GALNT10: variants seen among roughly 807,000 people sequenced by gnomAD.
GALNT10 encodes the protein GalNAc transferase 10.
GALNT10 carries 41 observed loss-of-function variants against 75.0 expected under a neutral mutation model. The ratio of observed to expected loss-of-function variants is 0.55; its 90% CI spans 0.43 to 0.71. The LOEUF is 0.71. GALNT10 is among the 30% of genes least tolerant of loss of function. GALNT10 has a pLI of 0.00. For synonymous variants in GALNT10, 302 were observed against 313.0 expected (o/e 0.96, Z 0.37); for missense variants, 727 against 818.5 (o/e 0.89, Z 1.36).
chr5:154,193,820 C>T (rs1423609748), intron 1 of GALNT10, among the ~76,000 whole-genome samples: 6 of 152,236 alleles, frequency 3.9e-5, no homozygotes, highest in Non-Finnish European at 8.8e-5. Context: ...TGAAAGTCTA[C>T]ATAACTCATG....
chr5:154,285,685 T>G (rs899860294), intron 1 of GALNT10, among the ~76,000 whole-genome samples: 52 of 152,188 alleles, frequency 3.4e-4, no homozygotes, highest in Non-Finnish European at 1.6e-4. Context: ...TGTGATAGCC[T>G]CCTTCCCAGC....
Position 154,380,548 on chromosome 5 carries a change from G to A in GALNT10, c.855G>A (p.Arg285=). The A allele has an allele frequency of 6.2e-7, 1 of 1,613,934 alleles. No individual in the cohort carries two copies. The highest frequency in any genetic ancestry group is 8.5e-7 in the Non-Finnish European group (1 of 1,179,834). The change falls in exon 6 of 12, where the codon CGG becomes CGA. Residue 285 remains arginine, a synonymous_variant. Transcript: ENST00000297107. ...RYETQAGDAM[R]GAFDWEMYYK... ...AGACACAGGCAGGGGATGCCATGCG[G>A]GGAGCCTTTGACTGGGAGATGTACT... is the stretch of plus-strand genomic sequence containing the variant.
chr5:154,221,281 C>T (rs1325483629), intron 1 of GALNT10, among the ~76,000 whole-genome samples: 3 of 152,214 alleles, frequency 2.0e-5, no homozygotes, highest in Non-Finnish European at 4.4e-5. Context: ...CATTTTTTAG[C>T]TCTTCTCTTA....
chr5:154,204,001 T>G (rs564473130), intron 1 of GALNT10, among the ~76,000 whole-genome samples: 1 of 152,312 alleles, frequency 6.6e-6, no homozygotes, highest in African/African-American at 2.4e-5. Context: ...AAAGCTTTAT[T>G]TGCAAAAGCA....
chr5:154,332,989 C>T (rs1754890754), intron 4 of GALNT10, among the ~76,000 whole-genome samples: 1 of 152,168 alleles, frequency 6.6e-6, no homozygotes, highest in Non-Finnish European at 1.5e-5. Context: ...AAAAGAATTT[C>T]AAGATCATCT....
intron 1 of GALNT10, among the ~76,000 whole-genome samples, chr5:154,213,536 G>A (rs532207089): frequency 8.5e-5 from 13 of 152,290 alleles, no homozygotes; most frequent in Non-Finnish European, 1.5e-4. Context: ...AGGGACACTG[G>A]CTTGGATATA....
At chr5:154,358,172 T>C (rs1755325155) in intron 4 of GALNT10, among the ~76,000 whole-genome samples, 1 of 152,178 alleles carries the variant, frequency 6.6e-6, no homozygotes, top group African/African-American at 2.4e-5. Context: ...GAGGGAATTG[T>C]GTGTAGCACA....
chr5:154,410,361 G>C (rs1326339387), intron 9 of GALNT10, among the ~76,000 whole-genome samples: 2 of 132,420 alleles, frequency 1.5e-5, no homozygotes, highest in African/African-American at 2.8e-5. Context: ...GGAAACATAG[G>C]AAGACCCTGT....
intron 3 of GALNT10, among the ~76,000 whole-genome samples, chr5:154,303,105 C>T (rs1383423740): frequency 1.3e-5 from 2 of 151,866 alleles, no homozygotes; most frequent in Admixed American, 6.6e-5. Context: ...CTAAACAACA[C>T]CCCCCACCCA....
intron 3 of GALNT10, among the ~76,000 whole-genome samples, chr5:154,323,314 G>A (rs1561660885): frequency 1.3e-5 from 2 of 152,074 alleles, no homozygotes; most frequent in African/African-American, 4.8e-5. Context: ...TGAAACTGCA[G>A]TGAGCTACGA....
chr5:154,401,698 C>G (rs1756166959), intron 7 of GALNT10, among the ~76,000 whole-genome samples: 2 of 152,062 alleles, frequency 1.3e-5, no homozygotes, highest in Admixed American at 6.5e-5. Flanking sequence ...CATCCCCTCT[C>G]GGGAGGGCCA....
chr5:154,365,791 T>C (rs540605689), intron 4 of GALNT10, among the ~76,000 whole-genome samples: 4 of 152,344 alleles, frequency 2.6e-5, no homozygotes, highest in African/African-American at 9.6e-5. Context: ...TCCTTTTTTC[T>C]AAATTTTCCC....
chr5:154,344,305 G>A (rs1319040519), intron 4 of GALNT10, among the ~76,000 whole-genome samples: 1 of 150,014 alleles, frequency 6.7e-6, no homozygotes, highest in African/African-American at 2.5e-5. Context: ...TCCACCTCCT[G>A]GGTTCAAGTG....
At chr5:154,223,919 CAAAA>C (rs34549433) in intron 1 of GALNT10, among the ~76,000 whole-genome samples, 1 of 144,914 alleles carries the variant, frequency 6.9e-6, no homozygotes, top group African/African-American at 2.6e-5. Context: ...GACCCTGTCT[CAAAA>C]AAAAAAACTA....
chr5:154,368,518 A>G (rs1457354544), intron 4 of GALNT10, among the ~76,000 whole-genome samples: 1 of 152,222 alleles, frequency 6.6e-6, no homozygotes, highest in Non-Finnish European at 1.5e-5. Context: ...GCTGCTCATC[A>G]AAAGTGTCCA....
In GALNT10 at chr5:154,297,955, G is replaced by A; in HGVS notation, c.277G>A (p.Gly93Arg). 1 of 1,613,616 alleles carries A rather than the reference G, an allele frequency of 6.2e-7. No homozygotes were observed. The highest frequency in any genetic ancestry group is 8.5e-7 in the Non-Finnish European group (1 of 1,179,770). ...DAQRVGNGEQ[G>R]RPYPMTDAER... ...TTTGCTTCTAGGAAATGGAGAACAA[G>A]GAAGACCTTACCCCATGACCGATGC... The change falls in exon 3 of 12, where the codon GGA becomes AGA. Residue 93 changes from glycine to arginine, a missense_variant. Transcript: ENST00000297107.
chr5:154,410,799 C>T (rs148781267), intron 9 of GALNT10, among the ~76,000 whole-genome samples: 3 of 152,214 alleles, frequency 2.0e-5, no homozygotes, highest in African/African-American at 7.2e-5. Context: ...GCAGACAGGG[C>T]AGAGAGGAAC....
At position 154,391,181 on chromosome 5, in the gene GALNT10, C is replaced by T. The variant is rs148110613; in HGVS notation, c.1056+4751C>T. Among the ~76,000 whole-genome samples, 181 of 152,320 alleles carry T rather than the reference C, an allele frequency of 1.2e-3. 1 individual carries two copies. Among genetic ancestry groups the T allele is most frequent in the African/African-American group, 4.2e-3 (175 of 41,574 alleles). On this transcript the variant is annotated intron_variant, in intron 7 of 11. Transcript: ENST00000297107. ...CCCATTCATCCCTGGCAGCGCCCTG[C>T]TGGAATGCAGGTGTTCTCTTTCAGC... is the stretch of plus-strand genomic sequence containing the variant.
intron 1 of GALNT10, among the ~76,000 whole-genome samples, chr5:154,266,700 C>T (rs181320257): frequency 2.4e-4 from 36 of 151,722 alleles, no homozygotes; most frequent in Admixed American, 2.1e-3. Flanking sequence ...GGTAGCCAGA[C>T]CCTGTCTCTA....
Sources: gnomAD v4.1 joint callset for allele counts (sites outside exome capture counted in the v4.1 genomes callset) on GRCh38, gnomAD v4.1.1 for gene constraint, MANE v1.5 for transcripts, NCBI Gene and HGNC (gene_info 2026-07-23, HGNC 2026-07-21) for gene names.